PTPRD: variants seen among roughly 807,000 people sequenced by gnomAD.
PTPRD encodes the protein receptor-type tyrosine-protein phosphatase delta.
A neutral mutation model predicts 214.5 loss-of-function variants in PTPRD; 34 were observed. The observed-to-expected ratio is 0.16, with a 90% confidence interval of 0.12 to 0.21. The LOEUF is 0.21. Among genes scored for constraint, PTPRD ranks in the 10% least tolerant of loss-of-function variants. PTPRD has a pLI of 1.00. For missense variants in PTPRD, 2,545 were observed against 2,398.7 expected (o/e 1.06, Z -1.27); for synonymous variants, 1,128 against 845.7 (o/e 1.33, Z -5.79).
At chr9:9,546,718 A>T (rs2078889161) in intron 8 of PTPRD, among the ~76,000 whole-genome samples, 1 of 151,914 alleles carries the variant, frequency 6.6e-6, no homozygotes, top group African/African-American at 2.4e-5. Context: ...GAATGTTTAT[A>T]ATATGTTCCA....
Position 9,875,097 on chromosome 9 carries a change from A to G in PTPRD, c.-368+63410T>C, listed in dbSNP as rs191445318. Among the ~76,000 whole-genome samples, 10 of 152,234 alleles carry G rather than the reference A, an allele frequency of 6.6e-5. No individual in the cohort carries two copies. The East Asian group carries it at 1.5e-3, about 24-fold the overall frequency. ...TACATCAATAAGGCTTTTTATTGTAATTCTTAAATATTTAGTTCTTACTGA... is the reference window on the plus strand; with the variant it reads ...TACATCAATAAGGCTTTTTATTGTAGTTCTTAAATATTTAGTTCTTACTGA... On this transcript the variant is annotated intron_variant, in intron 5 of 45. Coordinates refer to ENST00000381196, the MANE Select transcript of PTPRD (RefSeq NM_002839.4).
intron 11 of PTPRD, among the ~76,000 whole-genome samples, chr9:8,737,676 T>C (rs115496093): frequency 1.5e-3 from 231 of 152,112 alleles, no homozygotes; most frequent in Admixed American, 4.6e-3. Context: ...TGAGACAGAG[T>C]CTCACTCTCT....
At chr9:10,495,207 T>C (rs551212446) in intron 2 of PTPRD, among the ~76,000 whole-genome samples, 2 of 151,792 alleles carry the variant, frequency 1.3e-5, no homozygotes, top group Non-Finnish European at 2.9e-5. Context: ...AGTAGAGTTA[T>C]CAGAAATCAG....
chr9:8,808,496 G>A (rs898872182), intron 11 of PTPRD, among the ~76,000 whole-genome samples: 2 of 132,806 alleles, frequency 1.5e-5, no homozygotes, highest in African/African-American at 6.0e-5. Context: ...GGCTTTCATG[G>A]AGAAAACCAG....
intron 9 of PTPRD, among the ~76,000 whole-genome samples, chr9:9,393,382 C>A (rs759141685): frequency 6.6e-6 from 1 of 152,064 alleles, no homozygotes; most frequent in Non-Finnish European, 1.5e-5. Context: ...GCATGCTATG[C>A]GAAAAACCAT....
chr9:10,552,933 G>T (rs540034795), intron 2 of PTPRD, among the ~76,000 whole-genome samples: 5 of 152,122 alleles, frequency 3.3e-5, no homozygotes, highest in East Asian at 1.9e-4. Flanking sequence ...GGAGATTCAC[G>T]TTGCTTGATA....
intron 11 of PTPRD, among the ~76,000 whole-genome samples, chr9:8,842,538 T>C (rs192664333): frequency 2.6e-5 from 4 of 152,276 alleles, no homozygotes; most frequent in Admixed American, 1.3e-4. Flanking sequence ...CTAGAAACCT[T>C]ATACTTAACT....
At chr9:9,562,565 G>A (rs77977213) in intron 8 of PTPRD, among the ~76,000 whole-genome samples, 2,347 of 152,142 alleles carry the variant, frequency 0.015, 58 homozygotes, top group African/African-American at 0.054. Flanking sequence ...TCAGGTCCTA[G>A]AACTCTGCCT....
At chr9:8,620,700 AT>A (rs1228199691) in intron 14 of PTPRD, among the ~76,000 whole-genome samples, 1 of 151,972 alleles carries the variant, frequency 6.6e-6, no homozygotes, top group African/African-American at 2.4e-5. Flanking sequence ...CCTGTGTAGT[AT>A]TGTATGTTAA....
chr9:10,301,923 C>A (rs1487024262), intron 3 of PTPRD, among the ~76,000 whole-genome samples: 1 of 152,088 alleles, frequency 6.6e-6, no homozygotes, highest in African/African-American at 2.4e-5. Context: ...ACAGAGAACA[C>A]CACAAAGATA....
chr9:9,835,817 A>T (rs1037787311), intron 5 of PTPRD, among the ~76,000 whole-genome samples: 1 of 152,120 alleles, frequency 6.6e-6, no homozygotes, highest in Non-Finnish European at 1.5e-5. Context: ...TCTCAATCTT[A>T]GTGCCACCCT....
chr9:8,536,400 T>TACATACATACAC (rs1410035546), intron 14 of PTPRD, among the ~76,000 whole-genome samples: 2 of 151,782 alleles, frequency 1.3e-5, no homozygotes, highest in African/African-American at 4.8e-5. Context: ...CACATATATA[T>TACATACATACAC]ACATACATAC....
chr9:9,394,873 C>T (rs1396943866), intron 9 of PTPRD, among the ~76,000 whole-genome samples: 1 of 152,052 alleles, frequency 6.6e-6, no homozygotes, highest in Non-Finnish European at 1.5e-5. Flanking sequence ...ACTCCTCCTT[C>T]CATGCTCTAT....
At chr9:8,573,546 G>T (rs991878169) in intron 14 of PTPRD, among the ~76,000 whole-genome samples, 1 of 151,936 alleles carries the variant, frequency 6.6e-6, no homozygotes, top group Non-Finnish European at 1.5e-5. Flanking sequence ...ATTAAAACTG[G>T]CTTAAAGCCA....
intron 35 of PTPRD, 120 bp downstream of exon 35, chr9:8,436,472 A>G (rs769346700): frequency 8.8e-6 from 6 of 683,352 alleles, no homozygotes; most frequent in Non-Finnish European, 1.5e-5. Flanking sequence ...ACATTTTTAT[A>G]TCATATTTGA....
chr9:9,971,995 T>C (rs1463106847), intron 4 of PTPRD, among the ~76,000 whole-genome samples: 1 of 152,176 alleles, frequency 6.6e-6, no homozygotes, highest in Non-Finnish European at 1.5e-5. Flanking sequence ...TTTTTAAAAA[T>C]ATATATTAAG....
At chr9:9,343,557 T>G (rs1182718363) in intron 9 of PTPRD, among the ~76,000 whole-genome samples, 2 of 152,198 alleles carry the variant, frequency 1.3e-5, no homozygotes, top group Non-Finnish European at 2.9e-5. Flanking sequence ...CAAATGAGGT[T>G]TGAATTACAC....
chr9:9,996,760 C>T lies in PTPRD; in HGVS notation c.-472+36958G>A, dbSNP rs185722595. The stretch of plus-strand genomic sequence containing the variant: ...CAGAAGTGATTTCAGTGGCTTCATA[C>T]GGCAAGGAATACAGACTTTACAGAA... On this transcript the variant is annotated intron_variant, in intron 4 of 45. Transcript: ENST00000381196. Among the ~76,000 whole-genome samples, 28 of 152,182 alleles carry T rather than the reference C, an allele frequency of 1.8e-4. No homozygotes were observed. In the East Asian group the frequency reaches 2.1e-3, roughly 12 times the overall value.
intron 11 of PTPRD, among the ~76,000 whole-genome samples, chr9:8,825,477 AT>A (rs776081938): frequency 6.6e-6 from 1 of 152,154 alleles, no homozygotes; most frequent in East Asian, 1.9e-4. Context: ...TATGCTCTAA[AT>A]TTTTTTATAG....
Sources: gnomAD v4.1 joint callset for allele counts (sites outside exome capture counted in the v4.1 genomes callset) on GRCh38, gnomAD v4.1.1 for gene constraint, MANE v1.5 for transcripts, NCBI Gene and HGNC (gene_info 2026-07-23, HGNC 2026-07-21) for gene names.